The following HK1 variants were observed in gnomAD, a reference collection of about 807,000 sequenced individuals.
HK1 encodes hexokinase 1.
In HK1, 28 loss-of-function variants were observed where a neutral mutation model predicts 91.6. The observed-to-expected ratio is 0.31, with a 90% CI of 0.23 to 0.42. HK1 has a LOEUF of 0.42. Ranked by LOEUF, HK1 falls within the 10% of genes least tolerant of loss-of-function variation. The probability of loss-of-function intolerance (pLI) is 1.00; values close to 1 mark genes in which losing one functional copy is unlikely to be tolerated. For missense variants in HK1, 770 were observed against 1,219.8 expected, an observed-to-expected ratio of 0.63 and a Z score of 5.49; for synonymous variants, 430 against 468.1, an observed-to-expected ratio of 0.92 and a Z score of 1.05.
rs777854701 is a variant in HK1, at chr10:69,318,914, C to T, written c.-34C>T. 6.4e-7 allele frequency: 1 copy of T among 1,564,386 alleles called. No homozygotes were observed. Among genetic ancestry groups the T allele is most frequent in the South Asian group, 1.2e-5 (1 of 85,574 alleles). ...CAGGGCTGCGGAGGACCGACCGTCC[C>T]CACGCCTGCCGCCCCGCGACCCCGA... On this transcript the variant is annotated 5_prime_UTR_variant, in exon 1 of 18. Transcript: ENST00000359426.
intron 7 of HK1, among the ~76,000 whole-genome samples, chr10:69,376,540 T>C (rs1378099317): frequency 6.6e-6 from 1 of 152,094 alleles, no homozygotes; most frequent in Non-Finnish European, 1.5e-5. Context: ...CATACGTACA[T>C]ACATAAAGAT....
chr10:69,382,109 GC>G (rs1196850144), intron 9 of HK1, among the ~76,000 whole-genome samples: 1 of 152,220 alleles, frequency 6.6e-6, no homozygotes, highest in Non-Finnish European at 1.5e-5. Context: ...ATGGAATTAG[GC>G]TGGGCACAGT....
chr10:69,362,938 A>G (rs1849508958), intron 3 of HK1, among the ~76,000 whole-genome samples: 1 of 152,210 alleles, frequency 6.6e-6, no homozygotes, highest in South Asian at 2.1e-4. Flanking sequence ...GTCCTACATT[A>G]AAATTGACCA....
Position 69,379,290 on chromosome 10 carries a change from G to A in HK1, c.1032-572G>A, listed in dbSNP as rs554633115. On this transcript the variant is annotated intron_variant, in intron 8 of 17. Coordinates refer to ENST00000359426, the MANE Select transcript of HK1 (RefSeq NM_000188.3). ...ATAATTTTAGATTTACAGGAAAGCT[G>A]CAAAGATAGAGTGTATGTATATGTG... is the stretch of plus-strand genomic sequence containing the variant. Among the ~76,000 whole-genome samples the A allele has an allele frequency of 5.1e-4, 78 of 152,248 alleles. No homozygotes were observed. The Middle Eastern group carries it at 0.014, about 27-fold the overall frequency.
intron 2 of HK1, among the ~76,000 whole-genome samples, chr10:69,354,614 G>A (rs1248895371): frequency 6.6e-6 from 1 of 151,680 alleles, no homozygotes; most frequent in African/African-American, 2.4e-5. Flanking sequence ...GATGAGATTT[G>A]GGTGGGGACA....
Position 69,292,228 on chromosome 10 carries a change from A to G in HK1, c.-114-3405A>G. On this transcript the variant is annotated intron_variant, in intron 3 of 21. Transcript: ENST00000360289. ...TGGGACTAGAGGCGTGTGCCCCCAC[A>G]ACCAGCCAGTTTTTAATTTTTTTTT... 6.1e-6 allele frequency: 2 copies of G among 329,588 alleles called. 1 individual carries two copies. Among genetic ancestry groups the G allele is most frequent in the South Asian group, 4.5e-5 (2 of 44,162 alleles). The allele number at this position is 329,588 out of a possible 1,614,324, so 20.4% of individuals were successfully genotyped here. A position where few individuals can be genotyped will look rare whatever the true frequency, so the allele number is the denominator to read the frequency against.
At chr10:69,390,007 C>T (rs1839824210) in intron 14 of HK1, among the ~76,000 whole-genome samples, 1 of 152,188 alleles carries the variant, frequency 6.6e-6, no homozygotes. Flanking sequence ...GTTTCTTAGC[C>T]AACATCTGCG....
upstream of HK1, among the ~76,000 whole-genome samples, chr10:69,316,952 T>C (rs1846678981): frequency 6.6e-6 from 1 of 152,212 alleles, no homozygotes; most frequent in African/African-American, 2.4e-5. Context: ...TTAACGGCCA[T>C]GTAGGTAGTT....
intron 12 of HK1, among the ~76,000 whole-genome samples, chr10:69,385,648 G>A (rs1839597351): frequency 1.3e-5 from 2 of 152,232 alleles, no homozygotes; most frequent in Non-Finnish European, 2.9e-5. Context: ...GTGGGTCTTA[G>A]GCCAGGGTTT....
chr10:69,275,036 T>A (rs1208682796), intron 1 of HK1, among the ~76,000 whole-genome samples: 1 of 152,086 alleles, frequency 6.6e-6, no homozygotes, highest in Non-Finnish European at 1.5e-5. Flanking sequence ...CCTTCCAGTA[T>A]CTCTAAAAAG....
In HK1 at chr10:69,394,975, T is replaced by C; in HGVS notation, c.2245T>C (p.Tyr749His). The change falls in exon 16 of 18, where the codon TAC becomes CAC. Residue 749 changes from tyrosine to histidine, a missense_variant. Tyr to His is a moderately conservative substitution (Grantham distance 83). Transcript: ENST00000359426. Reference protein sequence around the residue: ...QRYEKMISGMYLGEIVRNILI... With the variant: ...QRYEKMISGMHLGEIVRNILI... ...GTATGAGAAGATGATCAGTGGTATG[T>C]ACCTGGGTGAAATCGTCCGCAACAT... is the stretch of plus-strand genomic sequence containing the variant. 1 of 1,614,154 alleles carries C rather than the reference T, an allele frequency of 6.2e-7. No individual in the cohort carries two copies. Among genetic ancestry groups the C allele is most frequent in the Non-Finnish European group, 8.5e-7 (1 of 1,180,024 alleles).
At chr10:69,282,889 G>T (rs111340298) in intron 2 of HK1, among the ~76,000 whole-genome samples, 2 of 151,772 alleles carry the variant, frequency 1.3e-5, no homozygotes, top group African/African-American at 4.8e-5. Flanking sequence ...GGCCGAGGTG[G>T]GTGGATCACC....
At chr10:69,329,658 CT>C (rs1170438080) in intron 1 of HK1, among the ~76,000 whole-genome samples, 2 of 152,194 alleles carry the variant, frequency 1.3e-5, no homozygotes, top group Non-Finnish European at 2.9e-5. Context: ...TGCTGGTCCC[CT>C]GATTCAGAAA....
chr10:69,304,066 C>T (rs1845995372), intron 5 of HK1, among the ~76,000 whole-genome samples: 1 of 152,100 alleles, frequency 6.6e-6, no homozygotes, highest in Non-Finnish European at 1.5e-5. Context: ...ATATCTCAAG[C>T]ACTATCTTAG....
At chr10:69,292,538 T>G (rs1391799910) in intron 3 of HK1, among the ~76,000 whole-genome samples, 1 of 149,912 alleles carries the variant, frequency 6.7e-6, no homozygotes, top group East Asian at 1.9e-4. Context: ...CCTTATAGAG[T>G]GGGATTGCCC....
intron 1 of HK1, among the ~76,000 whole-genome samples, chr10:69,325,557 A>C (rs1439708909): frequency 2.9e-5 from 4 of 136,470 alleles, no homozygotes; most frequent in Admixed American, 1.5e-4. Flanking sequence ...ATGGGGTCTC[A>C]CTCTGTATCC....
chr10:69,392,064 C>T (rs886828342), intron 14 of HK1, 61 bp from the exon 15 acceptor site: 2 of 1,574,514 alleles, frequency 1.3e-6, no homozygotes, highest in African/African-American at 1.4e-5. Context: ...GACCCCAGGC[C>T]CAGTTGCAAG....
chr10:69,313,070 G>C, upstream of HK1, among the ~76,000 whole-genome samples: 1 of 152,184 alleles, frequency 6.6e-6, no homozygotes, highest in East Asian at 1.9e-4. Context: ...CTGGGGCTTG[G>C]ATGGAGCAAG....
chr10:69,341,095 G>A (rs952372475), intron 1 of HK1, among the ~76,000 whole-genome samples: 1 of 152,032 alleles, frequency 6.6e-6, no homozygotes, highest in African/African-American at 2.4e-5. Flanking sequence ...GGCATGGCTT[G>A]TCTCTCCTCC....
Sources: gnomAD v4.1 joint callset for allele counts (sites outside exome capture counted in the v4.1 genomes callset) on GRCh38, gnomAD v4.1.1 for gene constraint, MANE v1.5 for transcripts, NCBI Gene and HGNC (gene_info 2026-07-23, HGNC 2026-07-21) for gene names.